PPP2R2B: variants seen among roughly 807,000 people sequenced by gnomAD.
PPP2R2B encodes the protein protein phosphatase 2 regulatory subunit Bbeta, also known as serine/threonine-protein phosphatase 2A 55 kDa regulatory subunit B beta isoform.
PPP2R2B carries 5 observed loss-of-function variants against 46.0 expected under a neutral mutation model. The ratio of observed to expected loss-of-function variants is 0.11; its 90% CI spans 0.06 to 0.23. PPP2R2B has a LOEUF of 0.23. Ranked by LOEUF, PPP2R2B falls within the 10% of genes least tolerant of loss-of-function variation. The probability of loss-of-function intolerance (pLI) is 1.00; values close to 1 mark genes in which losing one functional copy is unlikely to be tolerated. For missense variants in PPP2R2B, 367 were observed against 575.0 expected (o/e 0.64, Z 3.70); for synonymous variants, 215 against 206.7 (o/e 1.04, Z -0.34).
At chr5:146,655,766 T>C (rs1361212595) in intron 5 of PPP2R2B, among the ~76,000 whole-genome samples, 3 of 152,038 alleles carry the variant, frequency 2.0e-5, no homozygotes, top group Non-Finnish European at 4.4e-5. Context: ...CACGCTGCCA[T>C]GGAGGTCATC....
At chr5:147,039,885 TTAA>T (rs780632482) in intron 1 of PPP2R2B, among the ~76,000 whole-genome samples, 10 of 152,166 alleles carry the variant, frequency 6.6e-5, no homozygotes, top group Non-Finnish European at 1.2e-4. Context: ...CAAGTAATAC[TTAA>T]TAAAGGGACC....
At chr5:146,860,104 T>C (rs997242388) in intron 2 of PPP2R2B, among the ~76,000 whole-genome samples, 2 of 152,230 alleles carry the variant, frequency 1.3e-5, no homozygotes, top group African/African-American at 2.4e-5. Flanking sequence ...TCAAGGTATC[T>C]AGCAGATTAA....
intron 2 of PPP2R2B, among the ~76,000 whole-genome samples, chr5:146,771,296 T>C (rs1754839479): frequency 6.6e-6 from 1 of 152,208 alleles, no homozygotes; most frequent in Non-Finnish European, 1.5e-5. Flanking sequence ...AAGGCCATGT[T>C]AAGTGACTTG....
intron 6 of PPP2R2B, among the ~76,000 whole-genome samples, chr5:146,650,211 C>A (rs1248969328): frequency 6.6e-6 from 1 of 152,064 alleles, no homozygotes; most frequent in Non-Finnish European, 1.5e-5. Flanking sequence ...TTTATGAATC[C>A]TTTAACAGAG....
At chr5:147,047,240 T>G (rs547915985) in intron 1 of PPP2R2B, among the ~76,000 whole-genome samples, 4 of 152,088 alleles carry the variant, frequency 2.6e-5, no homozygotes, top group Non-Finnish European at 4.4e-5. Context: ...TCTATACCAC[T>G]GTATGATGAC....
chr5:146,724,553 A>G (rs953223179), intron 2 of PPP2R2B, among the ~76,000 whole-genome samples: 9 of 152,144 alleles, frequency 5.9e-5, no homozygotes, highest in Non-Finnish European at 1.3e-4. Flanking sequence ...AGAAAAATCT[A>G]TAAATTAGGA....
rs188892268 is a variant in PPP2R2B, at chr5:146,838,530, C to A, written c.70+39472G>T. On this transcript the variant is annotated intron_variant, in intron 2 of 9. Coordinates refer to ENST00000394411, the MANE Select transcript of PPP2R2B (RefSeq NM_181675.4). ...AGATTGCACTGAGCTAAGATTGTGC[C>A]ACTGCACTCCTGCCCAGAGGACAAA... is the stretch of plus-strand genomic sequence containing the variant. Among the ~76,000 whole-genome samples, 24 of 145,754 alleles carry A rather than the reference C, an allele frequency of 1.6e-4. No individual in the cohort carries two copies. The Middle Eastern group carries it at 0.011, about 68-fold the overall frequency.
intron 1 of PPP2R2B, among the ~76,000 whole-genome samples, chr5:147,054,411 G>A (rs184500992): frequency 1.1e-4 from 17 of 152,028 alleles, no homozygotes; most frequent in African/African-American, 2.9e-4. Context: ...TTTTCTCCAC[G>A]AGGAAGAAAA....
chr5:146,839,302 C>A (rs1759485336), intron 2 of PPP2R2B, among the ~76,000 whole-genome samples: 1 of 152,168 alleles, frequency 6.6e-6, no homozygotes, highest in Non-Finnish European at 1.5e-5. Flanking sequence ...AGGCAGATCA[C>A]CTGAGGTCAG....
chr5:146,920,821 G>A (rs540342580), intron 1 of PPP2R2B, among the ~76,000 whole-genome samples: 29 of 152,202 alleles, frequency 1.9e-4, no homozygotes, highest in African/African-American at 7.0e-4. Flanking sequence ...TATCCCCTAC[G>A]TTTGAAAAAC....
At chr5:146,697,371 A>C (rs761802036) in intron 4 of PPP2R2B, among the ~76,000 whole-genome samples, 6 of 152,232 alleles carry the variant, frequency 3.9e-5, no homozygotes, top group African/African-American at 9.6e-5. Context: ...TTGTCTCTCT[A>C]TTCAGTACCC....
intron 1 of PPP2R2B, among the ~76,000 whole-genome samples, chr5:146,935,596 T>C (rs1764112515): frequency 6.6e-6 from 1 of 152,070 alleles, no homozygotes; most frequent in Non-Finnish European, 1.5e-5. Flanking sequence ...TGGTAGGCTG[T>C]CAGGAAATAT....
intron 2 of PPP2R2B, among the ~76,000 whole-genome samples, chr5:146,766,630 A>G (rs1054973838): frequency 6.6e-6 from 1 of 152,208 alleles, no homozygotes; most frequent in Non-Finnish European, 1.5e-5. Context: ...TCTATTATTT[A>G]TACTTTCAAA....
Position 146,798,038 on chromosome 5 carries a change from G to C in PPP2R2B, c.70+79964C>G, listed in dbSNP as rs115430417. Among the ~76,000 whole-genome samples the C allele has an allele frequency of 3.9e-3, 594 of 152,106 alleles. 10 individuals carry two copies. The highest frequency in any genetic ancestry group is 0.014 in the African/African-American group (567 of 41,496). Reference sequence around the variant, plus strand: ...CTCCCTTCCCATAACTACTCCATCCGAGACAGGCATTTGTCTTATTTTTAG... The same window carrying C: ...CTCCCTTCCCATAACTACTCCATCCCAGACAGGCATTTGTCTTATTTTTAG... On this transcript the variant is annotated intron_variant, in intron 2 of 9. Transcript: ENST00000394411.
intron 2 of PPP2R2B, among the ~76,000 whole-genome samples, chr5:146,737,993 G>T (rs1017886493): frequency 2.0e-5 from 3 of 152,036 alleles, no homozygotes; most frequent in African/African-American, 2.4e-5. Flanking sequence ...CAGACCTGGG[G>T]ACTATGTTCG....
At chr5:146,906,306 CATTTATTTATTT>C (rs35217325) in intron 1 of PPP2R2B, among the ~76,000 whole-genome samples, 1 of 149,166 alleles carries the variant, frequency 6.7e-6, no homozygotes, top group African/African-American at 2.5e-5. Context: ...TACCATTTTC[CATTTATTTATTT>C]ATTTATTTAT....
chr5:146,693,054 G>A (rs542748587), intron 4 of PPP2R2B, among the ~76,000 whole-genome samples: 3 of 152,214 alleles, frequency 2.0e-5, no homozygotes, highest in Admixed American at 1.3e-4. Flanking sequence ...CCACTCTGAC[G>A]CCAGTCACAT....
Position 147,018,032 on chromosome 5 carries a change from T to G in PPP2R2B, c.79+37633A>C, listed in dbSNP as rs986608473. ...TGAATTATAGTCTACGACACACACA[T>G]GCATGCGCGCGCACACACACACACA... On this transcript the variant is annotated intron_variant, in intron 1 of 8. Coordinates refer to the PPP2R2B transcript ENST00000336640. 3.5e-4 allele frequency among the ~76,000 whole-genome samples: 9 copies of G among 25,524 alleles called. No homozygotes were observed. In the South Asian group the frequency reaches 0.015, roughly 42 times the overall value. The allele number at this position is 25,524 out of a possible 152,430, so 16.7% of individuals were successfully genotyped here.
chr5:146,906,783 G>T (rs965022308), intron 1 of PPP2R2B, among the ~76,000 whole-genome samples: 1 of 152,134 alleles, frequency 6.6e-6, no homozygotes, highest in Non-Finnish European at 1.5e-5. Flanking sequence ...CGTCTATTGG[G>T]CAGTACTGTT....
Sources: allele counts gnomAD v4.1 joint callset (sites outside exome capture counted in the v4.1 genomes callset), GRCh38; gene constraint gnomAD v4.1.1; transcripts MANE v1.5; gene names NCBI Gene and HGNC (gene_info 2026-07-23, HGNC 2026-07-21).